The following SLC7A9 variants were observed in gnomAD, a reference collection of about 807,000 sequenced individuals.
SLC7A9 encodes B(0,+)-type amino acid transporter 1.
Under a neutral mutation model 54.1 loss-of-function variants are expected in SLC7A9, and 38 were observed. The ratio of observed to expected loss-of-function variants is 0.70; its 90% CI spans 0.54 to 0.92. SLC7A9 has a LOEUF of 0.92. Among genes scored for constraint, SLC7A9 ranks in the 40% least tolerant of loss-of-function variants. The probability of loss-of-function intolerance (pLI) is 0.00; values close to 1 mark genes in which losing one functional copy is unlikely to be tolerated. For synonymous variants in SLC7A9, 264 were observed against 258.9 expected, an observed-to-expected ratio of 1.02 and a Z score of -0.19; for missense variants, 537 against 636.1, an observed-to-expected ratio of 0.84 and a Z score of 1.68.
chr19:32,867,368 T>G (rs1969001496), intron 2 of SLC7A9, among the ~76,000 whole-genome samples: 1 of 151,844 alleles, frequency 6.6e-6, no homozygotes, highest in African/African-American at 2.4e-5. Flanking sequence ...AGTTAAAAAT[T>G]TGGCAGAGCA....
At chr19:32,838,593 G>T (rs912268535) in intron 11 of SLC7A9, among the ~76,000 whole-genome samples, 10 of 145,950 alleles carry the variant, frequency 6.9e-5, no homozygotes, top group Non-Finnish European at 1.2e-4. Flanking sequence ...ATATAAAAAC[G>T]TATATTATAC....
rs745743576 is a variant in SLC7A9, at chr19:32,864,654, C to T, written c.210G>A (p.Ala70=). 96 of 1,613,906 alleles carry T rather than the reference C, an allele frequency of 5.9e-5. No homozygotes were observed. In the Admixed American group the frequency reaches 6.0e-4, roughly 10 times the overall value. Residue 70 remains alanine (A), a synonymous_variant, in exon 3 of 13, where the codon GCG becomes GCA. Transcript: ENST00000023064. ...CCAGCGTCGCGAGGACCCCGCAAGCCGCCCATATGATGAGGCAGGGCCCCA... is the reference window on the plus strand; with the variant it reads ...CCAGCGTCGCGAGGACCCCGCAAGCTGCCCATATGATGAGGCAGGGCCCCA... The part of the protein sequence containing the change: ...EAVGPCLIIW[A]ACGVLATLGA...
At chr19:32,838,710 A>G (rs904120782) in intron 11 of SLC7A9, among the ~76,000 whole-genome samples, 6 of 148,428 alleles carry the variant, frequency 4.0e-5, no homozygotes, top group Admixed American at 6.8e-5. Flanking sequence ...ATGTACTTAT[A>G]TGTATATGTA....
chr19:32,864,421 G>T, intron 3 of SLC7A9, 83 bp from the exon 4 acceptor site: 1 of 1,590,232 alleles, frequency 6.3e-7, no homozygotes. Flanking sequence ...ACCGGAGGCT[G>T]CGCTCGTATG....
At chr19:32,858,772 ATTTATTTATT>A (rs1968706851) in intron 8 of SLC7A9, among the ~76,000 whole-genome samples, 2 of 146,588 alleles carry the variant, frequency 1.4e-5, no homozygotes, top group Admixed American at 6.7e-5. Flanking sequence ...ATAAATCTTT[ATTTATTTATT>A]TATTTATTTA....
At chr19:32,837,658 C>T (rs1968002245) in intron 11 of SLC7A9, among the ~76,000 whole-genome samples, 1 of 152,146 alleles carries the variant, frequency 6.6e-6, no homozygotes, top group South Asian at 2.1e-4. Context: ...TGACCAATGA[C>T]TGCCTTTAAT....
intron 2 of SLC7A9, among the ~76,000 whole-genome samples, chr19:32,868,057 C>G (rs28526481): frequency 0.14 from 20,907 of 151,510 alleles, 2,483 homozygotes; most frequent in African/African-American, 0.32. Flanking sequence ...ATGGTGAAAC[C>G]CTGTCTCTAC....
chr19:32,863,974 C>CTGA, intron 4 of SLC7A9, 122 bp downstream of exon 4: 2 of 1,510,160 alleles, frequency 1.3e-6, no homozygotes, highest in Non-Finnish European at 1.8e-6. Flanking sequence ...ACTGCAAAGG[C>CTGA]TGATGCCAGG....
intron 9 of SLC7A9, among the ~76,000 whole-genome samples, chr19:32,852,360 C>T (rs972746269): frequency 2.0e-5 from 3 of 151,782 alleles, no homozygotes; most frequent in Admixed American, 6.6e-5. Context: ...CATGGTGGCA[C>T]GTGCCTGTGG....
chr19:32,849,649 GA>G (rs1968408558), intron 9 of SLC7A9, among the ~76,000 whole-genome samples: 2 of 150,598 alleles, frequency 1.3e-5, no homozygotes, highest in South Asian at 4.2e-4. Flanking sequence ...CCAATCAATA[GA>G]AAAAGAGGGA....
chr19:32,842,172 A>G lies in SLC7A9; in HGVS notation c.1220T>C (p.Ile407Thr). ...ACTCTGGGGCTGCAAGCTTACCTTG[A>G]TAGGCCTTTCCAGCTCTTTCCTTGT... ...RFTRKELERP[I>T]KVPVVIPVLM... is the part of the protein sequence containing the mutation. Residue 407 changes from isoleucine (I) to threonine (T), a missense_variant, in exon 11 of 13, where the codon ATC becomes ACC. Ile to Thr is a moderately conservative substitution (Grantham distance 89). Transcript: ENST00000023064. 6.2e-7 allele frequency: 1 copy of G among 1,614,204 alleles called. No homozygotes were observed. Among genetic ancestry groups the G allele is most frequent in the Non-Finnish European group, 8.5e-7 (1 of 1,180,028 alleles).
Position 32,830,731 on chromosome 19 carries a change from G to A in SLC7A9, c.1400-47C>T, listed in dbSNP as rs745613693. The stretch of plus-strand genomic sequence containing the variant: ...AGTACAGTTAGTTAGACTGAAATTC[G>A]AAAGTTTCACTGGAGTTGTTGTGGG... On this transcript the variant is annotated intron_variant, in intron 12 of 12. Coordinates refer to ENST00000023064, the MANE Select transcript of SLC7A9 (RefSeq NM_014270.5). 1.7e-5 allele frequency: 26 copies of A among 1,497,948 alleles called. No individual in the cohort carries two copies. In the Admixed American group the frequency reaches 1.8e-4, roughly 11 times the overall value. 92.8% of individuals were successfully genotyped at this position (1,497,948 alleles called of 1,614,324 possible). A position where few individuals can be genotyped will look rare whatever the true frequency, so the allele number is the denominator to read the frequency against.
chr19:32,833,460 A>G lies in SLC7A9; in HGVS notation c.1225-137T>C. 13 of 927,048 alleles carry G rather than the reference A, an allele frequency of 1.4e-5. 2 individuals are homozygous for G. In the Middle Eastern group the frequency reaches 2.9e-3, roughly 205 times the overall value. 57.4% of individuals were successfully genotyped at this position (927,048 alleles called of 1,614,324 possible). A position where few individuals can be genotyped will look rare whatever the true frequency, so the allele number is the denominator to read the frequency against. ...TCAATCATTTTAATGTAATTTTGCC[A>G]ATCTTATTTCATCTATACCTTTTAA... is the stretch of plus-strand genomic sequence containing the variant. On this transcript the variant is annotated intron_variant, in intron 11 of 12. Transcript: ENST00000023064.
intron 9 of SLC7A9, among the ~76,000 whole-genome samples, chr19:32,851,836 T>C (rs968594931): frequency 1.3e-5 from 2 of 152,060 alleles, no homozygotes; most frequent in African/African-American, 2.4e-5. Flanking sequence ...GAATACTATG[T>C]AGCCATAAAA....
chr19:32,832,822 T>C (rs557408596), intron 12 of SLC7A9: 3 of 313,734 alleles, frequency 9.6e-6, no homozygotes, highest in African/African-American at 6.4e-5. Flanking sequence ...GGTGGGAGGA[T>C]GGCTTGAGCC....
intron 2 of SLC7A9, 22 bp downstream of exon 2, chr19:32,868,425 TG>T: frequency 6.2e-7 from 1 of 1,604,084 alleles, no homozygotes; most frequent in Non-Finnish European, 8.5e-7. Flanking sequence ...GCAAAGGGCC[TG>T]CCCCACCAGA....
intron 11 of SLC7A9, among the ~76,000 whole-genome samples, chr19:32,841,918 G>A (rs1290753573): frequency 6.6e-6 from 1 of 152,106 alleles, no homozygotes; most frequent in East Asian, 1.9e-4. Flanking sequence ...AAACAAATGA[G>A]AGCCAGGTGG....
intron 6 of SLC7A9, 42 bp from the exon 7 acceptor site, chr19:32,860,692 C>CA (rs765230948): frequency 6.2e-7 from 1 of 1,613,048 alleles, no homozygotes; most frequent in South Asian, 1.1e-5. Context: ...CCTTGACTTT[C>CA]TTTTTCGATA....
intron 11 of SLC7A9, among the ~76,000 whole-genome samples, chr19:32,837,722 C>T (rs1038494334): frequency 1.3e-5 from 2 of 152,008 alleles, no homozygotes; most frequent in Non-Finnish European, 2.9e-5. Context: ...ACTGTCAGTA[C>T]GCCTACACGT....
Sources: gnomAD v4.1 joint callset for allele counts (sites outside exome capture counted in the v4.1 genomes callset) on GRCh38, gnomAD v4.1.1 for gene constraint, MANE v1.5 for transcripts, NCBI Gene and HGNC (gene_info 2026-07-23, HGNC 2026-07-21) for gene names.